Variants in BSCL2 observed in about 807,000 individuals in gnomAD.
BSCL2 encodes BSCL2 lipid droplet biogenesis associated, seipin, also known as seipin.
BSCL2 carries 41 observed loss-of-function variants against 57.4 expected under a neutral mutation model. The observed-to-expected ratio is 0.71, with a 90% CI of 0.56 to 0.93. BSCL2 has a LOEUF of 0.93. Ranked by LOEUF, BSCL2 falls within the 40% of genes least tolerant of loss-of-function variation. The pLI, the probability that BSCL2 is intolerant of heterozygous loss-of-function variation, is 0.00. For missense variants in BSCL2, 539 were observed against 586.7 expected (o/e 0.92, Z 0.84); for synonymous variants, 237 against 227.3 (o/e 1.04, Z -0.38).
In BSCL2 at chr11:62,701,849, AAG is replaced by A. The variant is rs1167211040; in HGVS notation, c.486+617_486+618del. ...GTCTGGAAAAAAAAAAAAAAAAAGA[AAG>A]AGAGTGAAAAACAGAATGGTTGTAT... On this transcript the variant is annotated intron_variant, in intron 3 of 10. Coordinates refer to ENST00000360796, the MANE Select transcript of BSCL2 (RefSeq NM_001122955.4). 7.5e-4 allele frequency among the ~76,000 whole-genome samples: 114 copies of A among 151,872 alleles called. 3 individuals carry two copies. In the South Asian group the frequency reaches 0.011, roughly 14 times the overall value.
intron 2 of BSCL2, among the ~76,000 whole-genome samples, chr11:62,703,420 C>T (rs1217027630): frequency 3.5e-5 from 5 of 143,630 alleles, no homozygotes; most frequent in Admixed American, 7.2e-5. Flanking sequence ...GGCACGATCT[C>T]GGCTCACTGC....
Position 62,699,868 on chromosome 11 carries a change from G to A in BSCL2, c.486+2600C>T, listed in dbSNP as rs533416384. 1.2e-3 allele frequency among the ~76,000 whole-genome samples: 188 copies of A among 151,562 alleles called. 1 individual carries two copies. Among genetic ancestry groups the A allele is most frequent in the African/African-American group, 3.4e-3 (141 of 41,300 alleles). On this transcript the variant is annotated intron_variant, in intron 3 of 10. Coordinates refer to ENST00000360796, the MANE Select transcript of BSCL2 (RefSeq NM_001122955.4). The stretch of plus-strand genomic sequence containing the variant: ...TAATTTTTGTATTTTTAGTAGAGAC[G>A]GGGTTCGACTGTGTTGGCCAGGCTG...
At chr11:62,705,660 G>C (rs1472935389) in intron 1 of BSCL2, 43 bp from the exon 2 acceptor site, 2 of 1,455,714 alleles carry the variant, frequency 1.4e-6, no homozygotes, top group East Asian at 2.5e-5. Flanking sequence ...CCTTTCCCCA[G>C]GGAGGTGGGG....
intron 3 of BSCL2, among the ~76,000 whole-genome samples, chr11:62,699,840 G>T (rs146417700): frequency 0.037 from 5,571 of 151,760 alleles, 341 homozygotes; most frequent in African/African-American, 0.13. Flanking sequence ...CACCACACCT[G>T]GCTAATTTTT....
intron 4 of BSCL2, among the ~76,000 whole-genome samples, chr11:62,694,015 T>C (rs1482410185): frequency 6.6e-6 from 1 of 150,724 alleles, no homozygotes; most frequent in African/African-American, 2.4e-5. Context: ...GATTTCTCCA[T>C]GTTGGTCAGG....
chr11:62,693,831 T>C (rs78317564), intron 4 of BSCL2, among the ~76,000 whole-genome samples: 1 of 151,840 alleles, frequency 6.6e-6, no homozygotes, highest in Non-Finnish European at 1.5e-5. Context: ...TTTTTTTTTT[T>C]AAGACAAAGT....
chr11:62,693,307 C>T (rs1358371297), intron 4 of BSCL2, among the ~76,000 whole-genome samples: 2 of 152,018 alleles, frequency 1.3e-5, no homozygotes, highest in Non-Finnish European at 2.9e-5. Flanking sequence ...AGTTCGAGAC[C>T]AGCCTGGTCA....
chr11:62,705,443 C>T lies in BSCL2; in HGVS notation c.262G>A (p.Ala88Thr). The change falls in exon 2 of 11, where the codon GCC becomes ACC. Residue 88 changes from alanine to threonine, a missense_variant. By Grantham distance (58) the Ala-to-Thr change is moderately conservative. This residue lies in a region of BSCL2 where 218 missense variants were observed against 224.8 expected (regional missense o/e 0.97). Transcript: ENST00000360796. ...CCAAACTGCAGCAGCAGCCTGCGGG[C>T]ACGGCCTGCCAAGACTTGGCCCACC... The part of the protein sequence containing the change: ...QEVGQVLAGR[A>T]RRLLLQFGVL... 2.5e-6 allele frequency: 4 copies of T among 1,614,220 alleles called. No homozygotes were observed. Among genetic ancestry groups the T allele is most frequent in the Non-Finnish European group, 3.4e-6 (4 of 1,180,044 alleles).
intron 2 of BSCL2, among the ~76,000 whole-genome samples, chr11:62,703,187 A>G (rs1340610095): frequency 6.6e-6 from 1 of 151,428 alleles, no homozygotes; most frequent in Non-Finnish European, 1.5e-5. Context: ...GTCCCACCCC[A>G]AGAGATTCTG....
chr11:62,700,831 T>G (rs1436604260), intron 3 of BSCL2, among the ~76,000 whole-genome samples: 2 of 152,014 alleles, frequency 1.3e-5, no homozygotes, highest in Non-Finnish European at 2.9e-5. Context: ...TGGGCACCTG[T>G]AATCCCAGGT....
chr11:62,707,388 G>C lies in BSCL2; in HGVS notation c.-193C>G. ...TCAGAGTAGAGGGAGGAAAGGAGGA[G>C]GGGGGCGACTGCCCAGCTGATGTCA... is the stretch of plus-strand genomic sequence containing the variant. On this transcript the variant is annotated 5_prime_UTR_variant, in exon 1 of 11. Coordinates refer to ENST00000360796, the MANE Select transcript of BSCL2 (RefSeq NM_001122955.4). The C allele has an allele frequency of 1.4e-6, 1 of 709,722 alleles. No homozygotes were observed. The highest frequency in any genetic ancestry group is 2.7e-5 in the East Asian group (1 of 37,320). The allele number at this position is 709,722 out of a possible 1,614,324, so 44.0% of individuals were successfully genotyped here. A position where few individuals can be genotyped will look rare whatever the true frequency, so the allele number is the denominator to read the frequency against.
intron 4 of BSCL2, 66 bp downstream of exon 4, chr11:62,694,502 G>GC: frequency 1.2e-6 from 2 of 1,610,434 alleles, no homozygotes; most frequent in Non-Finnish European, 8.5e-7. Flanking sequence ...ACCACACCCA[G>GC]CCCCCTACCC....
At chr11:62,701,900 A>G (rs527757512) in intron 3 of BSCL2, among the ~76,000 whole-genome samples, 1 of 152,232 alleles carries the variant, frequency 6.6e-6, no homozygotes, top group South Asian at 2.1e-4. Context: ...ACAGTGTCTA[A>G]GGAATGTATG....
upstream of BSCL2, chr11:62,707,856 G>A (rs2083567914): frequency 7.9e-6 from 2 of 254,050 alleles, no homozygotes; most frequent in South Asian, 1.0e-4. Flanking sequence ...TCAGGCAGAA[G>A]GTTTTGGTAC....
At chr11:62,698,262 G>C (rs1008979994) in intron 3 of BSCL2, among the ~76,000 whole-genome samples, 22 of 150,990 alleles carry the variant, frequency 1.5e-4, no homozygotes, top group African/African-American at 5.1e-4. Flanking sequence ...ACAGTGGCAT[G>C]ATGTCGGCTC....
chr11:62,705,030 C>T (rs531075925), intron 2 of BSCL2, among the ~76,000 whole-genome samples: 1 of 151,528 alleles, frequency 6.6e-6, no homozygotes, highest in South Asian at 2.1e-4. Flanking sequence ...GGTGATCCAA[C>T]CAAAATAGAA....
intron 3 of BSCL2, among the ~76,000 whole-genome samples, chr11:62,700,190 G>A (rs373043509): frequency 1.3e-4 from 20 of 150,964 alleles, no homozygotes; most frequent in African/African-American, 4.1e-4. Flanking sequence ...GCAGCGAGCC[G>A]TGATCGTATC....
At chr11:62,694,433 G>C in intron 4 of BSCL2, 135 bp downstream of exon 4, 1 of 1,323,746 alleles carries the variant, frequency 7.6e-7, no homozygotes. Context: ...TTGAACTCCT[G>C]GGCTCAAGCG....
At chr11:62,698,301 C>T (rs1011699459) in intron 3 of BSCL2, among the ~76,000 whole-genome samples, 39 of 152,088 alleles carry the variant, frequency 2.6e-4, no homozygotes, top group African/African-American at 3.6e-4. Flanking sequence ...TGGGTTCAAG[C>T]GATTCTCCTG....
Sources: gnomAD v4.1 joint callset for allele counts (sites outside exome capture counted in the v4.1 genomes callset) on GRCh38, gnomAD v4.1.1 for gene constraint, gnomAD v4.1.1 regional missense constraint, MANE v1.5 for transcripts, NCBI Gene and HGNC (gene_info 2026-07-23, HGNC 2026-07-21) for gene names.